The following CASP5 variants were observed in gnomAD, a reference collection of about 807,000 sequenced individuals.
The protein encoded by CASP5 is caspase 5.
A neutral mutation model predicts 45.2 loss-of-function variants in CASP5; 42 were observed. The ratio of observed to expected loss-of-function variants is 0.93; its 90% confidence interval spans 0.73 to 1.20. The LOEUF is 1.20. Ranked by LOEUF, CASP5 falls within the 50% of genes most tolerant of loss-of-function variation. The pLI, the probability that CASP5 is intolerant of heterozygous loss-of-function variation, is 0.00. For missense variants in CASP5, 512 were observed against 532.2 expected (o/e 0.96, Z 0.37); for synonymous variants, 209 against 186.2 (o/e 1.12, Z -1.00).
chr11:105,018,508 G>T (rs983730558), intron 1 of CASP5, among the ~76,000 whole-genome samples: 6 of 148,408 alleles, frequency 4.0e-5, no homozygotes, highest in Admixed American at 6.9e-5. Flanking sequence ...TGCAGTCCTA[G>T]TCTCTGATAA....
At chr11:105,022,486 A>G (rs539529287) in intron 1 of CASP5, among the ~76,000 whole-genome samples, 3 of 152,094 alleles carry the variant, frequency 2.0e-5, no homozygotes, top group Non-Finnish European at 4.4e-5. Flanking sequence ...CAGGACTCCA[A>G]CTCATAGGCT....
Position 105,003,375 on chromosome 11 carries a change from G to T in CASP5, c.442C>A (p.Gln148Lys). Residue 148 changes from glutamine (Q) to lysine (K), a missense_variant, in exon 4 of 10, where the codon CAA (glutamine) becomes AAA (lysine). By Grantham distance (53) the Gln-to-Lys change is moderately conservative (BLOSUM62 1). Coordinates refer to ENST00000260315, the MANE Select transcript of CASP5 (RefSeq NM_004347.5). ...QKITSVKPLLQIEAGPPESAE... is the reference protein window; with the variant it reads ...QKITSVKPLLKIEAGPPESAE... ...GACTCAGGTGGTCCAGCCTCGATTT[G>T]CAGAAGAGCTGTGGGATATCACAAA... The T allele has an allele frequency of 6.3e-7, 1 of 1,582,684 alleles. No homozygotes were observed. Among genetic ancestry groups the T allele is most frequent in the Non-Finnish European group, 8.6e-7 (1 of 1,160,128 alleles).
In CASP5 at chr11:105,007,157, C is replaced by T. The variant is rs149470618; in HGVS notation, c.359G>A (p.Arg120Gln). 2.0e-5 allele frequency: 33 copies of T among 1,613,750 alleles called. No homozygotes were observed. The African/African-American group carries it at 3.7e-4, about 18-fold the overall frequency. Residue 120 changes from arginine (R) to glutamine (Q), a missense_variant, in exon 3 of 10, where the codon CGA becomes CAA. Arg to Gln is a conservative substitution (Grantham distance 43). Transcript: ENST00000260315. ...DKALILVDSL[R>Q]KNRVAHQMFT... ...CATTTGATGAGCCACGCGATTCTTT[C>T]GCAAAGAGTCTACCAAGATCAGGGC...
At chr11:105,017,523 A>G (rs1485681907) in intron 1 of CASP5, among the ~76,000 whole-genome samples, 1 of 152,166 alleles carries the variant, frequency 6.6e-6, no homozygotes, top group African/African-American at 2.4e-5. Flanking sequence ...AAGCCTCAGG[A>G]GCCGATGCGA....
chr11:105,006,001 G>A (rs1565384847), intron 3 of CASP5, among the ~76,000 whole-genome samples: 1 of 152,234 alleles, frequency 6.6e-6, no homozygotes, highest in East Asian at 1.9e-4. Context: ...GTATAGTGAG[G>A]TTTGAACAAT....
chr11:105,008,360 G>A (rs1469516981), intron 2 of CASP5, among the ~76,000 whole-genome samples: 2 of 151,966 alleles, frequency 1.3e-5, no homozygotes, highest in East Asian at 3.9e-4. Flanking sequence ...CTAATATCTT[G>A]GGAGTTATTG....
chr11:105,001,519 A>G (rs1861723732), intron 5 of CASP5, among the ~76,000 whole-genome samples: 1 of 152,164 alleles, frequency 6.6e-6, no homozygotes, highest in South Asian at 2.1e-4. Context: ...AGAGAAAATT[A>G]GCCGGGCGTG....
intron 7 of CASP5, among the ~76,000 whole-genome samples, chr11:104,998,629 T>G (rs1861578632): frequency 6.6e-6 from 1 of 152,224 alleles, no homozygotes; most frequent in African/African-American, 2.4e-5. Context: ...TTCCTTGTAT[T>G]GTATTGCTTT....
Position 105,023,084 on chromosome 11 carries a change from A to G in CASP5, c.7+46T>C, listed in dbSNP as rs2134783028. 9 of 1,543,252 alleles carry G rather than the reference A, an allele frequency of 5.8e-6. No individual in the cohort carries two copies. The East Asian group carries it at 1.7e-4, about 29-fold the overall frequency. The stretch of plus-strand genomic sequence containing the variant: ...CATAGCAATAAATCAAGATTTTTCT[A>G]AGACCTGAGTACCCAGCTGCTAGTC... On this transcript the variant is annotated intron_variant, in intron 1 of 9. Transcript: ENST00000260315.
intron 3 of CASP5, among the ~76,000 whole-genome samples, chr11:105,003,959 ACAACATCC>A: frequency 6.6e-6 from 1 of 151,992 alleles, no homozygotes; most frequent in Non-Finnish European, 1.5e-5. Flanking sequence ...AGTGGATGGG[ACAACATCC>A]CATTTTGGAT....
chr11:105,015,921 T>A (rs964869333), intron 1 of CASP5, among the ~76,000 whole-genome samples: 50 of 152,206 alleles, frequency 3.3e-4, no homozygotes, highest in African/African-American at 1.1e-3. Flanking sequence ...AAACATTTGC[T>A]TCTTTTTCTT....
intron 1 of CASP5, among the ~76,000 whole-genome samples, chr11:105,017,638 A>C (rs531984740): frequency 6.6e-6 from 1 of 152,290 alleles, no homozygotes; most frequent in Non-Finnish European, 1.5e-5. Context: ...CAAAGCCTCC[A>C]AGAAATATGG....
chr11:105,020,065 A>T (rs186833034), intron 1 of CASP5, among the ~76,000 whole-genome samples: 1,493 of 145,844 alleles, frequency 0.01, 125 homozygotes, highest in African/African-American at 0.031. Flanking sequence ...CCACGTGATT[A>T]TCTCAATAGA....
intron 5 of CASP5, 97 bp from the exon 6 acceptor site, chr11:105,000,592 T>C (rs960122287): frequency 4.5e-6 from 5 of 1,120,566 alleles, no homozygotes; most frequent in Non-Finnish European, 3.9e-6. Context: ...ATATGTAACA[T>C]CCGGGTCGTG....
intron 3 of CASP5, among the ~76,000 whole-genome samples, chr11:105,006,761 G>A (rs939796615): frequency 6.6e-6 from 1 of 152,108 alleles, no homozygotes; most frequent in East Asian, 1.9e-4. Flanking sequence ...GAGAATGGAA[G>A]GTCAAGAAAC....
chr11:105,019,371 G>A (rs1175190263), intron 1 of CASP5, among the ~76,000 whole-genome samples: 1 of 150,152 alleles, frequency 6.7e-6, no homozygotes, highest in Non-Finnish European at 1.5e-5. Context: ...CCAGGAGCTG[G>A]TTTTTTGAAA....
chr11:105,009,722 T>TATATATATATATATATATATACACAC (rs1862182911), intron 1 of CASP5, among the ~76,000 whole-genome samples: 1 of 23,524 alleles, frequency 4.3e-5, no homozygotes. Flanking sequence ...TATACACACA[T>TATATATATATATATATATATACACAC]ATATATATAT....
rs776564419 is a variant in CASP5 at position 104,999,055 on chromosome 11, T to A, written c.953-27A>T. 1.9e-6 allele frequency: 3 copies of A among 1,569,518 alleles called. No homozygotes were observed. The South Asian group carries it at 3.6e-5, about 19-fold the overall frequency. On this transcript the variant is annotated intron_variant, in intron 6 of 9. Coordinates refer to ENST00000260315, the MANE Select transcript of CASP5 (RefSeq NM_004347.5). ...TGTAGAGACATCAACTTTCTTTTTTTTTTATGTTACTTTAAGTTCCAGAAT... is the reference window on the plus strand; with the variant it reads ...TGTAGAGACATCAACTTTCTTTTTTATTTATGTTACTTTAAGTTCCAGAAT...
At chr11:105,017,116 C>G (rs1303416301) in intron 1 of CASP5, among the ~76,000 whole-genome samples, 2 of 151,858 alleles carry the variant, frequency 1.3e-5, no homozygotes, top group Admixed American at 6.6e-5. Flanking sequence ...AGAAGGAAAA[C>G]TAACAAACAG....
Sources: gnomAD v4.1 joint callset for allele counts (sites outside exome capture counted in the v4.1 genomes callset) on GRCh38, gnomAD v4.1.1 for gene constraint, MANE v1.5 for transcripts, NCBI Gene and HGNC (gene_info 2026-07-23, HGNC 2026-07-21) for gene names.